The following RANBP2 variants were observed in gnomAD, a reference collection of about 807,000 sequenced individuals.
The protein encoded by RANBP2 is E3 SUMO-protein ligase RanBP2.
A neutral mutation model predicts 303.6 loss-of-function variants in RANBP2; 57 were observed. The observed-to-expected ratio is 0.19, with a 90% CI of 0.15 to 0.23. The LOEUF is 0.23. Ranked by LOEUF, RANBP2 falls within the 10% of genes least tolerant of loss-of-function variation. The pLI is 1.00. For synonymous variants in RANBP2, 1,167 were observed against 1,301.5 expected, an observed-to-expected ratio of 0.90 and a Z score of 2.23; for missense variants, 3,138 against 3,780.8, an observed-to-expected ratio of 0.83 and a Z score of 4.46.
At chr2:109,183,748 G>A in the RANBP2 span, among the ~76,000 whole-genome samples, 1 of 152,216 alleles carries the variant, frequency 6.6e-6, no homozygotes, top group South Asian at 2.1e-4. Context: ...CCTCCCAGCA[G>A]CTCGGTCAGG....
At chr2:109,251,916 T>C in the RANBP2 span, among the ~76,000 whole-genome samples, 19 of 152,180 alleles carry the variant, frequency 1.2e-4, no homozygotes, top group African/African-American at 4.6e-4. Context: ...CCTTATGTTC[T>C]TAAATCGGCA....
the RANBP2 span, among the ~76,000 whole-genome samples, chr2:108,979,761 G>A: frequency 1.2e-3 from 185 of 152,278 alleles, no homozygotes; most frequent in African/African-American, 4.1e-3. Flanking sequence ...CCACTGAGGC[G>A]CATGTCACCA....
rs770864087 is a variant in RANBP2 at position 108,736,119 on chromosome 2, T to G, written c.652T>G (p.Leu218Val). 7.4e-6 allele frequency: 12 copies of G among 1,611,810 alleles called. No individual in the cohort carries two copies. The highest frequency in any genetic ancestry group is 9.3e-6 in the Non-Finnish European group (11 of 1,179,838). The change falls in exon 6 of 29, where the codon TTA becomes GTA. Residue 218 changes from leucine to valine, a missense_variant. By Grantham distance (32) the Leu-to-Val change is conservative. Coordinates refer to ENST00000283195, the MANE Select transcript of RANBP2 (RefSeq NM_006267.5). ...VQTLKEYLESLQCLESDKSDW... is the reference protein window; with the variant it reads ...VQTLKEYLESVQCLESDKSDW... Reference sequence around the variant, plus strand: ...CACAAAATAGGAATATCTGGAGTCTTTACAGTGTTTGGAGTCTGATAAAAG... The same window carrying G: ...CACAAAATAGGAATATCTGGAGTCTGTACAGTGTTTGGAGTCTGATAAAAG...
the RANBP2 span, among the ~76,000 whole-genome samples, chr2:109,606,593 T>G: frequency 6.6e-6 from 1 of 151,384 alleles, no homozygotes; most frequent in Non-Finnish European, 1.5e-5. Context: ...CTTCAGAGAT[T>G]ACTAGGCCAC....
chr2:109,142,051 G>A, the RANBP2 span, among the ~76,000 whole-genome samples: 2 of 151,540 alleles, frequency 1.3e-5, no homozygotes, highest in Non-Finnish European at 2.9e-5. Flanking sequence ...CCTGGGGGGG[G>A]GGTCTCAGGT....
At chr2:108,821,812 G>T in the RANBP2 span, among the ~76,000 whole-genome samples, 1 of 151,766 alleles carries the variant, frequency 6.6e-6, no homozygotes. Flanking sequence ...GGGCGTAGTG[G>T]TGGGTGCCTA....
At chr2:108,729,768 T>A (rs1573698665) in intron 2 of RANBP2, among the ~76,000 whole-genome samples, 1 of 149,080 alleles carries the variant, frequency 6.7e-6, no homozygotes, top group South Asian at 2.1e-4. Context: ...CAGGCTGGAG[T>A]GCAGCAGCTG....
chr2:108,789,887 T>C (rs1194737693), downstream of RANBP2, among the ~76,000 whole-genome samples: 1 of 152,178 alleles, frequency 6.6e-6, no homozygotes, highest in Non-Finnish European at 1.5e-5. Context: ...GCTAAAAATA[T>C]GTGGCAGAAA....
At chr2:108,975,829 G>A in the RANBP2 span, among the ~76,000 whole-genome samples, 1 of 152,178 alleles carries the variant, frequency 6.6e-6, no homozygotes, top group Non-Finnish European at 1.5e-5. Flanking sequence ...AGCTCGAGAA[G>A]TCAAGGCCAC....
the RANBP2 span, among the ~76,000 whole-genome samples, chr2:109,682,446 A>G: frequency 2.6e-5 from 4 of 152,194 alleles, no homozygotes; most frequent in Non-Finnish European, 5.9e-5. Context: ...AATTTGCTCC[A>G]GCTGTCTGTG....
chr2:109,621,865 A>G, the RANBP2 span, among the ~76,000 whole-genome samples: 1 of 152,058 alleles, frequency 6.6e-6, no homozygotes, highest in Non-Finnish European at 1.5e-5. Context: ...GTGAGCTGAG[A>G]TTGCACCACT....
chr2:109,138,120 A>G, the RANBP2 span, among the ~76,000 whole-genome samples: 2 of 152,284 alleles, frequency 1.3e-5, no homozygotes, highest in South Asian at 2.1e-4. Flanking sequence ...GGTTCAAGCT[A>G]TTCTTCTGCC....
At chr2:108,969,254 C>A in the RANBP2 span, among the ~76,000 whole-genome samples, 1 of 152,074 alleles carries the variant, frequency 6.6e-6, no homozygotes, top group African/African-American at 2.4e-5. Flanking sequence ...TCAGCTCCAA[C>A]CTCCACCCCA....
At chr2:108,944,808 C>T in the RANBP2 span, among the ~76,000 whole-genome samples, 1 of 152,128 alleles carries the variant, frequency 6.6e-6, no homozygotes, top group Non-Finnish European at 1.5e-5. Flanking sequence ...AAGGCTGAGC[C>T]AGAGAGCTGA....
At position 108,742,565 on chromosome 2, in the gene RANBP2, A is replaced by G. The variant is rs185234866; in HGVS notation, c.975+1884A>G. Among the ~76,000 whole-genome samples the G allele has an allele frequency of 3.9e-5, 6 of 152,144 alleles. No homozygotes were observed. The East Asian group carries it at 1.2e-3, about 30-fold the overall frequency. ...GCGATCCACCCGACTTGGCCTCTCA[A>G]AGTGCTGGGATTACAGGCATAAGCC... is the stretch of plus-strand genomic sequence containing the variant. On this transcript the variant is annotated intron_variant, in intron 7 of 28. Transcript: ENST00000283195.
chr2:109,505,760 A>G, the RANBP2 span, among the ~76,000 whole-genome samples: 7 of 152,174 alleles, frequency 4.6e-5, no homozygotes, highest in Admixed American at 1.3e-4. Context: ...ACTCAAGTCT[A>G]CTTATCCAAT....
At chr2:109,383,088 G>A in the RANBP2 span, among the ~76,000 whole-genome samples, 8 of 152,190 alleles carry the variant, frequency 5.3e-5, no homozygotes, top group African/African-American at 1.7e-4. Context: ...CCCTGAGGGC[G>A]GGCCCTGGCT....
the RANBP2 span, among the ~76,000 whole-genome samples, chr2:109,041,164 T>C: frequency 4.6e-5 from 7 of 152,368 alleles, no homozygotes; most frequent in African/African-American, 1.4e-4. Context: ...TATTGACTTC[T>C]ATATATCCAG....
At position 108,751,605 on chromosome 2, in the gene RANBP2, G is replaced by T. The variant is rs763199680; in HGVS notation, c.1533G>T (p.Gln511His). Reference protein sequence around the residue: ...EKCNSHHSSYQPLCLPLPVCK... With the variant: ...EKCNSHHSSYHPLCLPLPVCK... ...GTAATTCTCACCACAGCTCCTATCAGCCGTTATGCCTGCCCCTTCCTGTGT... is the reference window on the plus strand; with the variant it reads ...GTAATTCTCACCACAGCTCCTATCATCCGTTATGCCTGCCCCTTCCTGTGT... Residue 511 changes from glutamine to histidine, a missense_variant, in exon 11 of 29, where the codon CAG (glutamine) becomes CAT (histidine). By Grantham distance (24) the Gln-to-His change is conservative. Around this residue, in one of 20 missense-constraint regions of RANBP2, gnomAD observed 162 missense variants for 286.9 expected, o/e 0.56. Coordinates refer to ENST00000283195, the MANE Select transcript of RANBP2 (RefSeq NM_006267.5). 2 of 1,610,838 alleles carry T rather than the reference G, an allele frequency of 1.2e-6. No homozygotes were observed. Among genetic ancestry groups the T allele is most frequent in the Non-Finnish European group, 8.5e-7 (1 of 1,179,174 alleles).
Sources: allele counts gnomAD v4.1 joint callset (sites outside exome capture counted in the v4.1 genomes callset), GRCh38; gene constraint gnomAD v4.1.1; regional missense constraint gnomAD v4.1.1; transcripts MANE v1.5; gene names NCBI Gene and HGNC (gene_info 2026-07-23, HGNC 2026-07-21).